Variants in COLQ observed in about 807,000 individuals in gnomAD.
COLQ encodes collagen like tail subunit of asymmetric acetylcholinesterase.
In COLQ, 48 loss-of-function variants were observed where a neutral mutation model predicts 69.0. That is an observed-to-expected ratio of 0.70 (90% CI 0.55 to 0.88). The LOEUF is 0.88. COLQ is among the 40% of genes least tolerant of loss of function. The probability of loss-of-function intolerance (pLI) is 0.00; values close to 1 mark genes in which losing one functional copy is unlikely to be tolerated. For synonymous variants in COLQ, 217 were observed against 211.2 expected (o/e 1.03, Z -0.24); for missense variants, 618 against 594.6 (o/e 1.04, Z -0.41).
intron 12 of COLQ, among the ~76,000 whole-genome samples, chr3:15,465,468 G>A (rs1277497808): frequency 6.0e-5 from 9 of 150,896 alleles, no homozygotes; most frequent in African/African-American, 9.7e-5. Flanking sequence ...GGGTTTCACC[G>A]TGTTAGCCAG....
At chr3:15,508,092 C>T (rs915448072) in intron 1 of COLQ, among the ~76,000 whole-genome samples, 4 of 152,002 alleles carry the variant, frequency 2.6e-5, no homozygotes, top group Admixed American at 2.6e-4. Flanking sequence ...CTGGGTTTTT[C>T]CAAACACCCA....
intron 1 of COLQ, among the ~76,000 whole-genome samples, chr3:15,491,861 C>T (rs958071258): frequency 6.6e-6 from 1 of 151,940 alleles, no homozygotes; most frequent in Non-Finnish European, 1.5e-5. Flanking sequence ...AGATCGAGAC[C>T]ATCCTGGCCA....
chr3:15,469,508 T>C (rs1325648934), intron 11 of COLQ, among the ~76,000 whole-genome samples: 1 of 152,260 alleles, frequency 6.6e-6, no homozygotes, highest in African/African-American at 2.4e-5. Context: ...AAAACTGGAC[T>C]GGATGATTGT....
rs139534384 is a variant in COLQ, at chr3:15,517,463, A to G, written c.106+4057T>C. Among the ~76,000 whole-genome samples, 1,414 of 151,690 alleles carry G rather than the reference A, an allele frequency of 9.3e-3. 15 individuals carry two copies. The highest frequency in any genetic ancestry group is 0.015 in the Non-Finnish European group (1,003 of 68,006). On this transcript the variant is annotated intron_variant, in intron 1 of 16. Transcript: ENST00000383788. ...GTGGAAGGCCTGCCCTCCGGTAAAT[A>G]TCATTGTCTTTGTGTCTGTGCCTCC...
intron 12 of COLQ, among the ~76,000 whole-genome samples, chr3:15,461,154 T>C (rs2062105602): frequency 6.6e-6 from 1 of 152,090 alleles, no homozygotes; most frequent in South Asian, 2.1e-4. Context: ...AATTTGATTA[T>C]TGCAAATTAC....
At chr3:15,517,462 T>C (rs538797338) in intron 1 of COLQ, among the ~76,000 whole-genome samples, 1 of 152,282 alleles carries the variant, frequency 6.6e-6, no homozygotes, top group Non-Finnish European at 1.5e-5. Flanking sequence ...CTCCGGTAAA[T>C]ATCATTGTCT....
chr3:15,515,668 T>G (rs1027283661), intron 1 of COLQ, among the ~76,000 whole-genome samples: 2 of 151,758 alleles, frequency 1.3e-5, no homozygotes, highest in African/African-American at 4.8e-5. Context: ...TAACTGGGCG[T>G]GGTGGTGGGA....
intron 14 of COLQ, 107 bp downstream of exon 14, chr3:15,456,353 C>A: frequency 6.8e-7 from 1 of 1,473,896 alleles, no homozygotes; most frequent in Non-Finnish European, 9.3e-7. Flanking sequence ...TGCAGACAGA[C>A]TGTAGAAAGC....
chr3:15,519,338 T>C (rs929193799), intron 1 of COLQ, among the ~76,000 whole-genome samples: 1 of 152,170 alleles, frequency 6.6e-6, no homozygotes. Flanking sequence ...GGCTTCAAGT[T>C]GGGTTGGCCA....
intron 10 of COLQ, among the ~76,000 whole-genome samples, chr3:15,471,192 C>T (rs373990263): frequency 4.3e-4 from 66 of 152,274 alleles, no homozygotes; most frequent in African/African-American, 1.5e-3. Context: ...CAGCTCACTT[C>T]CATTTGATTT....
At chr3:15,496,599 C>T (rs998495722) in intron 1 of COLQ, among the ~76,000 whole-genome samples, 2 of 152,232 alleles carry the variant, frequency 1.3e-5, no homozygotes, top group Admixed American at 6.5e-5. Flanking sequence ...GGGAGCAGCA[C>T]GTGGCTCAGC....
At chr3:15,508,428 T>C (rs535006545) in intron 1 of COLQ, among the ~76,000 whole-genome samples, 34 of 152,304 alleles carry the variant, frequency 2.2e-4, no homozygotes, top group African/African-American at 7.7e-4. Flanking sequence ...CATAGATGGG[T>C]TGTCTCCCTG....
intron 16 of COLQ, among the ~76,000 whole-genome samples, chr3:15,451,982 A>G (rs781105658): frequency 6.6e-5 from 10 of 152,096 alleles, no homozygotes; most frequent in Non-Finnish European, 1.3e-4. Context: ...GCAGCCTACC[A>G]ACAAAAATGT....
intron 1 of COLQ, among the ~76,000 whole-genome samples, chr3:15,498,235 G>C (rs1261464252): frequency 1.3e-5 from 2 of 152,192 alleles, no homozygotes; most frequent in Non-Finnish European, 2.9e-5. Flanking sequence ...GAGGGACACA[G>C]ACAAGTGCAC....
intron 12 of COLQ, among the ~76,000 whole-genome samples, chr3:15,461,885 C>G (rs2062120635): frequency 1.3e-5 from 2 of 151,780 alleles, no homozygotes; most frequent in African/African-American, 4.8e-5. Context: ...TTTTCCCCCC[C>G]GAGAATGGGT....
At chr3:15,470,176 T>C (rs1055756645) in intron 11 of COLQ, among the ~76,000 whole-genome samples, 2 of 152,174 alleles carry the variant, frequency 1.3e-5, no homozygotes, top group Non-Finnish European at 1.5e-5. Flanking sequence ...TTTTAAAACT[T>C]CATTTGTGTC....
Position 15,451,359 on chromosome 3 carries a change from G to C in COLQ, c.*285C>G. On this transcript the variant is annotated 3_prime_UTR_variant, in exon 17 of 17. Transcript: ENST00000383788. ...CCTGGGTCAGCAACATTCCAGAAGAGGAAGAGCATTGTAGCCGGTTGTTTG... is the reference window on the plus strand; with the variant it reads ...CCTGGGTCAGCAACATTCCAGAAGACGAAGAGCATTGTAGCCGGTTGTTTG... 1 of 586,444 alleles carries C rather than the reference G, an allele frequency of 1.7e-6. No homozygotes were observed. Among genetic ancestry groups the C allele is most frequent in the Non-Finnish European group, 3.1e-6 (1 of 319,440 alleles). The allele number at this position is 586,444 out of a possible 1,614,324, so 36.3% of individuals were successfully genotyped here.
chr3:15,494,933 T>A (rs1183323176), intron 1 of COLQ, among the ~76,000 whole-genome samples: 2 of 152,174 alleles, frequency 1.3e-5, no homozygotes, highest in Non-Finnish European at 2.9e-5. Context: ...ATTCACCTAA[T>A]CCTCACAGCA....
At chr3:15,499,561 A>G (rs1478316415) in intron 1 of COLQ, among the ~76,000 whole-genome samples, 1 of 152,250 alleles carries the variant, frequency 6.6e-6, no homozygotes, top group Admixed American at 6.5e-5. Context: ...TTACACAAAT[A>G]TAGGAGGCAG....
Sources: gnomAD v4.1 joint callset for allele counts (sites outside exome capture counted in the v4.1 genomes callset) on GRCh38, gnomAD v4.1.1 for gene constraint, MANE v1.5 for transcripts, NCBI Gene and HGNC (gene_info 2026-07-23, HGNC 2026-07-21) for gene names.